RBFOX3: variants seen among roughly 807,000 people sequenced by gnomAD.
RBFOX3 encodes the protein RNA binding protein fox-1 homolog 3.
RBFOX3 carries 17 observed loss-of-function variants against 48.7 expected under a neutral mutation model. The observed-to-expected ratio is 0.35, with a 90% CI of 0.24 to 0.52. The LOEUF (loss-of-function observed/expected upper bound fraction) is 0.52. Among genes scored for constraint, RBFOX3 ranks in the 20% least tolerant of loss-of-function variants. The pLI is 0.94. For missense variants in RBFOX3, 382 were observed against 497.5 expected (o/e 0.77, Z 2.21); for synonymous variants, 212 against 209.5 (o/e 1.01, Z -0.10).
At chr17:79,379,291 C>T (rs1450050419) in intron 2 of RBFOX3, among the ~76,000 whole-genome samples, 3 of 152,148 alleles carry the variant, frequency 2.0e-5, no homozygotes, top group Non-Finnish European at 2.9e-5. Flanking sequence ...CCAGAATTCC[C>T]GACTCCTTGC....
intron 3 of RBFOX3, among the ~76,000 whole-genome samples, chr17:79,306,771 C>A (rs923138459): frequency 1.3e-5 from 2 of 152,214 alleles, no homozygotes; most frequent in African/African-American, 4.8e-5. Flanking sequence ...CCTCCCGTGC[C>A]GGGTGTCCTC....
chr17:79,123,100 A>G (rs1488167801), intron 4 of RBFOX3, among the ~76,000 whole-genome samples: 1 of 152,192 alleles, frequency 6.6e-6, no homozygotes, highest in African/African-American at 2.4e-5. Context: ...GGGATGGTTA[A>G]TGGGTACAAA....
the RBFOX3 span, among the ~76,000 whole-genome samples, chr17:79,639,577 T>C: frequency 6.6e-6 from 1 of 152,074 alleles, no homozygotes; most frequent in Non-Finnish European, 1.5e-5. Context: ...TGAACATAGA[T>C]GCAAAAAAAT....
chr17:79,384,512 C>T lies in RBFOX3; in HGVS notation c.-174-76688G>A, dbSNP rs117011160. ...TGGAGAACCGTCTGCCCTCAAAATGCCCCTCTCTGTGGTATCTGCAAAGCC... is the reference window on the plus strand; with the variant it reads ...TGGAGAACCGTCTGCCCTCAAAATGTCCCTCTCTGTGGTATCTGCAAAGCC... On this transcript the variant is annotated intron_variant, in intron 2 of 14. Transcript: ENST00000693108. Among the ~76,000 whole-genome samples the T allele has an allele frequency of 3.3e-3, 496 of 152,316 alleles. 1 individual carries two copies. Among genetic ancestry groups the T allele is most frequent in the Non-Finnish European group, 4.6e-3 (310 of 68,018 alleles).
rs538335084 is a variant in RBFOX3, at chr17:79,319,851, C to G, written c.-174-12027G>C. On this transcript the variant is annotated intron_variant, in intron 2 of 14. Coordinates refer to ENST00000693108, the MANE Select transcript of RBFOX3 (RefSeq NM_001350451.2). ...TGCTGGTCTTGTCCGGGCTGCTAGT[C>G]TTGCCTGGGCTGCTGGTCCTGTCTG... 5.3e-3 allele frequency among the ~76,000 whole-genome samples: 297 copies of G among 55,940 alleles called. 27 individuals carry two copies. Among genetic ancestry groups the G allele is most frequent in the African/African-American group, 0.026 (283 of 10,730 alleles). The allele number at this position is 55,940 out of a possible 152,430, so 36.7% of individuals were successfully genotyped here. A position where few individuals can be genotyped will look rare whatever the true frequency, so the allele number is the denominator to read the frequency against.
chr17:79,380,862 G>A (rs1233272154), intron 2 of RBFOX3, among the ~76,000 whole-genome samples: 4 of 151,774 alleles, frequency 2.6e-5, no homozygotes, highest in Non-Finnish European at 5.9e-5. Flanking sequence ...GTCGCTCCAC[G>A]AGGCACCTGT....
intron 1 of RBFOX3, among the ~76,000 whole-genome samples, chr17:79,506,954 T>TG (rs1158974220): frequency 1.3e-5 from 2 of 152,086 alleles, no homozygotes; most frequent in African/African-American, 4.8e-5. Context: ...TGGCCTAGGA[T>TG]GGGTACTCTG....
chr17:79,091,883 A>G, intron 14 of RBFOX3: 1 of 836,658 alleles, frequency 1.2e-6, no homozygotes, highest in Middle Eastern at 6.2e-4. Context: ...GGAGTCGCAG[A>G]GACTGGCGTG....
the RBFOX3 span, among the ~76,000 whole-genome samples, chr17:79,638,763 C>G: frequency 6.6e-6 from 1 of 152,170 alleles, no homozygotes; most frequent in East Asian, 1.9e-4. Context: ...GAGCCTGGCA[C>G]CTCCCCACTT....
intron 2 of RBFOX3, among the ~76,000 whole-genome samples, chr17:79,424,569 G>A (rs1330873640): frequency 1.3e-5 from 2 of 152,160 alleles, no homozygotes; most frequent in Non-Finnish European, 2.9e-5. Flanking sequence ...CTGTCTCCAG[G>A]GTGGTGCCCA....
At chr17:79,329,865 T>C (rs540773136) in intron 2 of RBFOX3, among the ~76,000 whole-genome samples, 53 of 152,148 alleles carry the variant, frequency 3.5e-4, no homozygotes, top group African/African-American at 1.3e-3. Flanking sequence ...TCACCAAGGG[T>C]CCCACGCAGA....
At chr17:79,465,424 G>A (rs2076180824) in intron 2 of RBFOX3, among the ~76,000 whole-genome samples, 1 of 152,114 alleles carries the variant, frequency 6.6e-6, no homozygotes, top group Non-Finnish European at 1.5e-5. Context: ...CACGGGTCGG[G>A]GCTGCTTCCC....
In RBFOX3 at chr17:79,391,806, G is replaced by A. The variant is rs1017229750; in HGVS notation, c.-174-83982C>T. Among the ~76,000 whole-genome samples, 2 of 152,078 alleles carry A rather than the reference G, an allele frequency of 1.3e-5. No individual in the cohort carries two copies. The highest frequency in any genetic ancestry group is 2.9e-5 in the Non-Finnish European group (2 of 68,006). On this transcript the variant is annotated intron_variant, in intron 2 of 14. Coordinates refer to ENST00000693108, the MANE Select transcript of RBFOX3 (RefSeq NM_001350451.2). This position sits in a 1 kb window ranked among gnomAD's most constrained non-coding sequence, Gnocchi z 5.0. ...CATGCATGACAACGAGAACCAGTACGCATGTGTTTGGGGGACAGCACACCC... is the reference window on the plus strand; with the variant it reads ...CATGCATGACAACGAGAACCAGTACACATGTGTTTGGGGGACAGCACACCC...
At chr17:79,600,030 G>A (rs1232361395) in intron 1 of RBFOX3, 1 of 152,244 alleles carries the variant, frequency 6.6e-6, no homozygotes, top group Non-Finnish European at 1.5e-5. Flanking sequence ...TCAAGGTACT[G>A]AAATAACACA....
At chr17:79,475,580 G>T (rs1391958952) in intron 2 of RBFOX3, among the ~76,000 whole-genome samples, 1 of 152,308 alleles carries the variant, frequency 6.6e-6, no homozygotes, top group Non-Finnish European at 1.5e-5. Context: ...TTGCAGATGT[G>T]ATGAAGGTAA....
chr17:79,090,557 C>T lies in RBFOX3; in HGVS notation c.*326G>A. 5 of 364,968 alleles carry T rather than the reference C, an allele frequency of 1.4e-5. No homozygotes were observed. The South Asian group carries it at 3.0e-4, about 22-fold the overall frequency. The allele number at this position is 364,968 out of a possible 1,614,324, so 22.6% of individuals were successfully genotyped here. ...AAGACTGGATGGAAAACAGAGCCCC[C>T]CACGGGTCCCACAAGGGAGGCCCCT... On this transcript the variant is annotated 3_prime_UTR_variant, in exon 15 of 15. Transcript: ENST00000693108.
chr17:79,106,871 A>G (rs940666202), intron 5 of RBFOX3, 83 bp from the exon 6 acceptor site: 3 of 1,348,146 alleles, frequency 2.2e-6, no homozygotes, highest in Non-Finnish European at 2.8e-6. Flanking sequence ...GGCAGAGTCT[A>G]AAGGCCAGAT....
chr17:79,511,969 ACC>A (rs2084336888), intron 1 of RBFOX3, among the ~76,000 whole-genome samples: 8 of 146,974 alleles, frequency 5.4e-5, no homozygotes, highest in African/African-American at 2.0e-4. Flanking sequence ...GGGGACACCC[ACC>A]CGGATACATG....
At position 79,101,693 on chromosome 17, in the gene RBFOX3, G is replaced by A. The variant is rs562755412; in HGVS notation, c.508-49C>T. 1.7e-5 allele frequency: 25 copies of A among 1,506,010 alleles called. No individual in the cohort carries two copies. The African/African-American group carries it at 3.2e-4, about 19-fold the overall frequency. 93.3% of individuals were successfully genotyped at this position (1,506,010 alleles called of 1,614,324 possible). On this transcript the variant is annotated intron_variant, in intron 8 of 14. Coordinates refer to ENST00000693108, the MANE Select transcript of RBFOX3 (RefSeq NM_001350451.2). ...GAGGAAGAGGGAGGATTAGCCTCCT[G>A]GAAGACCCACTGGCCACTCCTCCCC...
Sources: allele counts gnomAD v4.1 joint callset (sites outside exome capture counted in the v4.1 genomes callset), GRCh38; gene constraint gnomAD v4.1.1; non-coding constraint Gnocchi (gnomAD v3.1); transcripts MANE v1.5; gene names NCBI Gene and HGNC (gene_info 2026-07-23, HGNC 2026-07-21).